C1GALT1: variants seen among roughly 807,000 people sequenced by gnomAD.
C1GALT1 encodes the protein glycoprotein-N-acetylgalactosamine 3-beta-galactosyltransferase 1.
In C1GALT1, 11 loss-of-function variants were observed where a neutral mutation model predicts 31.0. The observed-to-expected ratio is 0.36, with a 90% CI of 0.22 to 0.59. The LOEUF (loss-of-function observed/expected upper bound fraction) is 0.59, where lower values mean the gene tolerates loss of function less well. Ranked by LOEUF, C1GALT1 falls within the 20% of genes least tolerant of loss-of-function variation. The pLI is 0.79. For synonymous variants in C1GALT1, 175 were observed against 143.6 expected, an observed-to-expected ratio of 1.22 and a Z score of -1.56; for missense variants, 424 against 425.2, an observed-to-expected ratio of 1.00 and a Z score of 0.03.
chr7:7,243,734 A>C lies in C1GALT1; in HGVS notation c.*7A>C. 1 of 1,579,578 alleles carries C rather than the reference A, an allele frequency of 6.3e-7. No homozygotes were observed. The highest frequency in any genetic ancestry group is 2.2e-5 in the East Asian group (1 of 44,672). On this transcript the variant is annotated 3_prime_UTR_variant, in exon 4 of 4. Transcript: ENST00000436587. ...GAAGTTAGGAAATCCTTGAAAGAAAATCATGAATGAACAAAGGTAATATGT... is the reference window on the plus strand; with the variant it reads ...GAAGTTAGGAAATCCTTGAAAGAAACTCATGAATGAACAAAGGTAATATGT...
intron 1 of C1GALT1, among the ~76,000 whole-genome samples, chr7:7,230,619 TC>T (rs200190680): frequency 4.0e-5 from 5 of 125,634 alleles, no homozygotes; most frequent in East Asian, 2.6e-4. Flanking sequence ...TATTCTATAT[TC>T]CCTTTTTTTT....
At chr7:7,185,114 CTG>C (rs1341113700) in intron 1 of C1GALT1, among the ~76,000 whole-genome samples, 3 of 151,896 alleles carry the variant, frequency 2.0e-5, no homozygotes, top group Non-Finnish European at 2.9e-5. Context: ...TATAAAGAAA[CTG>C]GTGTTTGTGA....
At chr7:7,226,169 G>A (rs1043989153) in intron 1 of C1GALT1, among the ~76,000 whole-genome samples, 2 of 152,076 alleles carry the variant, frequency 1.3e-5, no homozygotes, top group South Asian at 4.1e-4. Context: ...TAAGGTGTGT[G>A]ACTGTAAGAT....
chr7:7,196,026 TTTG>T (rs55905652), intron 1 of C1GALT1, among the ~76,000 whole-genome samples: 270 of 151,720 alleles, frequency 1.8e-3, no homozygotes, highest in African/African-American at 5.5e-3. Flanking sequence ...TGGAATATCT[TTTG>T]TTGTTGTTGT....
intron 1 of C1GALT1, among the ~76,000 whole-genome samples, chr7:7,212,450 A>AATAGTGC (rs1782048122): frequency 6.6e-6 from 1 of 152,244 alleles, no homozygotes; most frequent in South Asian, 2.1e-4. Flanking sequence ...TAATGCAAAC[A>AATAGTGC]ACTATATTGC....
chr7:7,222,424 G>A (rs888427552), intron 1 of C1GALT1, among the ~76,000 whole-genome samples: 1 of 152,018 alleles, frequency 6.6e-6, no homozygotes, highest in Non-Finnish European at 1.5e-5. Flanking sequence ...TTTTTTCTAT[G>A]GTTGTCTATT....
At chr7:7,202,990 ATTAC>A (rs1485016673) in intron 1 of C1GALT1, among the ~76,000 whole-genome samples, 2 of 151,058 alleles carry the variant, frequency 1.3e-5, no homozygotes, top group African/African-American at 2.4e-5. Context: ...AAATGGAATT[ATTAC>A]TTCAAGAAGT....
At chr7:7,174,364 C>A (rs961786889) in intron 2 of C1GALT1, among the ~76,000 whole-genome samples, 2 of 152,182 alleles carry the variant, frequency 1.3e-5, no homozygotes, top group Admixed American at 6.5e-5. Context: ...ATAAGTTTCA[C>A]CTGATCTGGG....
intron 2 of C1GALT1, among the ~76,000 whole-genome samples, chr7:7,169,800 G>C (rs919261480): frequency 6.6e-6 from 1 of 152,094 alleles, no homozygotes; most frequent in African/African-American, 2.4e-5. Flanking sequence ...TATTCAGAAG[G>C]GATATTGGTG....
intron 1 of C1GALT1, among the ~76,000 whole-genome samples, chr7:7,230,904 C>G (rs1783045312): frequency 6.6e-6 from 1 of 151,788 alleles, no homozygotes; most frequent in Non-Finnish European, 1.5e-5. Flanking sequence ...TCTTGTGAGA[C>G]TTTCAAAAAA....
chr7:7,230,908 C>A (rs543715306), intron 1 of C1GALT1, among the ~76,000 whole-genome samples: 1 of 151,960 alleles, frequency 6.6e-6, no homozygotes, highest in Non-Finnish European at 1.5e-5. Context: ...GTGAGACTTT[C>A]AAAAAATGTT....
chr7:7,238,348 A>C lies in C1GALT1; in HGVS notation c.314A>C (p.Lys105Thr). The change falls in exon 3 of 4, where the codon AAA becomes ACA. Residue 105 changes from lysine (K) to threonine (T), a missense_variant. By Grantham distance (78) the Lys-to-Thr change is moderately conservative (BLOSUM62 -1). This residue lies in a region of C1GALT1 where 189 missense variants were observed against 158.2 expected (regional missense o/e 1.19). Transcript: ENST00000436587. The surrounding 1 kb of genome is among the most constrained non-coding windows in gnomAD (Gnocchi z 5.2). ...TGPQNLEKKA[K>T]HVKATWAQRC... Reference sequence around the variant, plus strand: ...CCTCAAAACCTAGAGAAAAAGGCCAAACACGTCAAAGCTACTTGGGCCCAG... The same window carrying C: ...CCTCAAAACCTAGAGAAAAAGGCCACACACGTCAAAGCTACTTGGGCCCAG... 1 of 1,614,160 alleles carries C rather than the reference A, an allele frequency of 6.2e-7. No homozygotes were observed. The highest frequency in any genetic ancestry group is 8.5e-7 in the Non-Finnish European group (1 of 1,179,996).
intron 1 of C1GALT1, among the ~76,000 whole-genome samples, chr7:7,197,261 G>A (rs1255296565): frequency 6.7e-6 from 1 of 150,172 alleles, no homozygotes; most frequent in African/African-American, 2.5e-5. Context: ...TCTACATATG[G>A]CTAGCCAGTT....
chr7:7,222,515 A>G (rs571347641), intron 1 of C1GALT1, among the ~76,000 whole-genome samples: 1 of 152,248 alleles, frequency 6.6e-6, no homozygotes, highest in East Asian at 1.9e-4. Flanking sequence ...TTTTATGTTT[A>G]ATAGCTATTA....
rs1375053066 is a variant in C1GALT1 at position 7,244,058 on chromosome 7, A to C, written c.*331A>C. The C allele has an allele frequency of 5.8e-6, 1 of 171,166 alleles. No individual in the cohort carries two copies. Among genetic ancestry groups the C allele is most frequent in the East Asian group, 1.7e-4 (1 of 5,780 alleles). 10.6% of individuals were successfully genotyped at this position (171,166 alleles called of 1,614,324 possible). ...ATTGTCACTGAGAAACTAAAATAGT[A>C]AATTTACTAAAACTACACTGCACCA... is the stretch of plus-strand genomic sequence containing the variant. On this transcript the variant is annotated 3_prime_UTR_variant, in exon 4 of 4. Transcript: ENST00000436587.
chr7:7,160,238 C>A (rs1043533383), intron 2 of C1GALT1, among the ~76,000 whole-genome samples: 15 of 152,192 alleles, frequency 9.9e-5, no homozygotes, highest in African/African-American at 3.6e-4. Context: ...TCTTTCTATT[C>A]CATTTCTGCA....
At position 7,246,826 on chromosome 7, in the gene C1GALT1, A is replaced by G. The variant is rs1783866739; in HGVS notation, c.*3099A>G. On this transcript the variant is annotated 3_prime_UTR_variant, in exon 4 of 4. Transcript: ENST00000436587. ...AAGATTACTGCCCAATTACTAAGAC[A>G]TTTTTCAAAAAGCATGTTTTAAATC... is the stretch of plus-strand genomic sequence containing the variant. 1.3e-5 allele frequency: 2 copies of G among 152,236 alleles called. No homozygotes were observed. Among genetic ancestry groups the G allele is most frequent in the Non-Finnish European group, 2.9e-5 (2 of 67,988 alleles). The allele number at this position is 152,236 out of a possible 1,614,324, so 9.4% of individuals were successfully genotyped here. A position where few individuals can be genotyped will look rare whatever the true frequency, so the allele number is the denominator to read the frequency against.
rs1469985769 is a variant in C1GALT1, at chr7:7,246,393, G to C, written c.*2666G>C. On this transcript the variant is annotated 3_prime_UTR_variant, in exon 4 of 4. Transcript: ENST00000436587. ...ACGTCTGATGCATTGGCCAGTAATAGTCAAATTAACCCAGCCAAATTGTCA... is the reference window on the plus strand; with the variant it reads ...ACGTCTGATGCATTGGCCAGTAATACTCAAATTAACCCAGCCAAATTGTCA... 1.3e-5 allele frequency: 2 copies of C among 152,148 alleles called. No individual in the cohort carries two copies. Among genetic ancestry groups the C allele is most frequent in the Non-Finnish European group, 2.9e-5 (2 of 68,036 alleles). 9.4% of individuals were successfully genotyped at this position (152,148 alleles called of 1,614,324 possible).
chr7:7,187,831 G>A (rs1358740193), intron 1 of C1GALT1, among the ~76,000 whole-genome samples: 1 of 152,140 alleles, frequency 6.6e-6, no homozygotes, highest in African/African-American at 2.4e-5. Context: ...TAAATTATAA[G>A]GCACAGAATA....
Sources: allele counts gnomAD v4.1 joint callset (sites outside exome capture counted in the v4.1 genomes callset), GRCh38; gene constraint gnomAD v4.1.1; regional missense constraint gnomAD v4.1.1; non-coding constraint Gnocchi (gnomAD v3.1); transcripts MANE v1.5; gene names NCBI Gene and HGNC (gene_info 2026-07-23, HGNC 2026-07-21).